The following ACACA variants were observed in gnomAD, a reference collection of about 807,000 sequenced individuals.
ACACA encodes acetyl-CoA carboxylase alpha.
A neutral mutation model predicts 296.1 loss-of-function variants in ACACA; 103 were observed. The ratio of observed to expected loss-of-function variants is 0.35; its 90% CI spans 0.30 to 0.41. The LOEUF (loss-of-function observed/expected upper bound fraction) is 0.41, where lower values mean the gene tolerates loss of function less well. ACACA is among the 10% of genes least tolerant of loss of function. The pLI, the probability that ACACA is intolerant of heterozygous loss-of-function variation, is 1.00. For synonymous variants in ACACA, 953 were observed against 1,038.6 expected (o/e 0.92, Z 1.58); for missense variants, 1,554 against 2,989.7 (o/e 0.52, Z 11.20).
chr17:37,221,226 A>C (rs922354445), intron 29 of ACACA, among the ~76,000 whole-genome samples: 1 of 152,198 alleles, frequency 6.6e-6, no homozygotes, highest in Non-Finnish European at 1.5e-5. Context: ...TTGGTTCTGC[A>C]ATGTAATTTT....
rs777382016 is a variant in ACACA at position 37,200,136 on chromosome 17, T to C, written c.4158+3A>G. The C allele has an allele frequency of 1.4e-5, 23 of 1,589,570 alleles. 1 individual carries two copies. The African/African-American group carries it at 2.2e-4, about 15-fold the overall frequency. ...ATCTTTCATTATTGTTCATTTTACT[T>C]ACATGAAATCTCCGATCCACCTCAT... On this transcript the variant is annotated splice_donor_region_variant and intron_variant, in intron 35 of 55. Coordinates refer to ENST00000616317, the MANE Select transcript of ACACA (RefSeq NM_198834.3).
chr17:37,331,022 T>A (rs539773601), intron 2 of ACACA, among the ~76,000 whole-genome samples: 3 of 152,276 alleles, frequency 2.0e-5, no homozygotes, highest in African/African-American at 7.2e-5. Flanking sequence ...GTGATCCTCC[T>A]ACCTCAGCCT....
chr17:37,240,322 G>GT (rs2080330131), intron 24 of ACACA, among the ~76,000 whole-genome samples, 154 bp downstream of exon 24: 1 of 152,226 alleles, frequency 6.6e-6, no homozygotes, highest in Non-Finnish European at 1.5e-5. Context: ...TAGAGGTTTA[G>GT]TTTTTAAGGG....
At chr17:37,125,828 G>A in intron 47 of ACACA, 34 bp from the exon 48 acceptor site, 1 of 1,550,102 alleles carries the variant, frequency 6.5e-7, no homozygotes, top group South Asian at 1.1e-5. Flanking sequence ...CAGAGAATAA[G>A]GACAGTGAAT....
At chr17:37,404,799 A>G (rs1490939799) in intron 1 of ACACA, among the ~76,000 whole-genome samples, 1 of 151,838 alleles carries the variant, frequency 6.6e-6, no homozygotes, top group Non-Finnish European at 1.5e-5. Context: ...GCTGGTCTCG[A>G]ACTTCTAACC....
intron 42 of ACACA, among the ~76,000 whole-genome samples, chr17:37,157,763 T>C (rs1487186018): frequency 2.0e-5 from 3 of 152,056 alleles, no homozygotes; most frequent in Non-Finnish European, 4.4e-5. Flanking sequence ...CTCGAACTCC[T>C]GACCTCAAGT....
At chr17:37,355,100 A>G (rs1489003878) in intron 1 of ACACA, among the ~76,000 whole-genome samples, 1 of 151,882 alleles carries the variant, frequency 6.6e-6, no homozygotes, top group Non-Finnish European at 1.5e-5. Flanking sequence ...AAAATTAGCC[A>G]GGCATGGTGG....
chr17:37,395,669 A>G (rs1483518839), intron 1 of ACACA, among the ~76,000 whole-genome samples: 1 of 151,966 alleles, frequency 6.6e-6, no homozygotes, highest in Non-Finnish European at 1.5e-5. Flanking sequence ...CAGCCTCCCA[A>G]GTAGCTGGGA....
Position 37,167,335 on chromosome 17 carries a change from G to C in ACACA, c.5080-5285C>G, listed in dbSNP as rs142322816. 4.0e-4 allele frequency among the ~76,000 whole-genome samples: 59 copies of C among 146,226 alleles called. 1 individual carries two copies. The East Asian group carries it at 0.011, about 28-fold the overall frequency. ...TGCCCAGGCTGGAGTACAGTGGCGT[G>C]ATCTTGGCTTGCTGCAACCTGTGCC... On this transcript the variant is annotated intron_variant, in intron 41 of 55. Transcript: ENST00000616317.
rs530595683 is a variant in ACACA, at chr17:37,113,779, G to A, written c.6275-514C>T. 1.2e-4 allele frequency among the ~76,000 whole-genome samples: 19 copies of A among 152,166 alleles called. No homozygotes were observed. The highest frequency in any genetic ancestry group is 2.5e-4 in the Non-Finnish European group (17 of 67,994). ...AAACTATTTTTCATCTTGGTATCCC[G>A]ATATCCCTGCCCAGTGCCTGAACAT... On this transcript the variant is annotated intron_variant, in intron 50 of 55. Coordinates refer to ENST00000616317, the MANE Select transcript of ACACA (RefSeq NM_198834.3). The surrounding 1 kb of genome is among the most constrained non-coding windows in gnomAD (Gnocchi z 4.0).
chr17:37,385,338 T>C (rs888657221), intron 1 of ACACA, among the ~76,000 whole-genome samples: 5 of 152,122 alleles, frequency 3.3e-5, no homozygotes, highest in African/African-American at 1.2e-4. Context: ...CCGGGTGCGA[T>C]GGCATGCACC....
intron 47 of ACACA, 144 bp downstream of exon 47, chr17:37,129,221 G>A (rs1037333331): frequency 2.7e-6 from 3 of 1,093,676 alleles, no homozygotes; most frequent in South Asian, 1.4e-5. Flanking sequence ...TCTTCAGAGG[G>A]CTGGTTTTCA....
At chr17:37,287,756 C>T (rs972971263) in intron 3 of ACACA, among the ~76,000 whole-genome samples, 2 of 123,396 alleles carry the variant, frequency 1.6e-5, no homozygotes, top group Non-Finnish European at 1.8e-5. Context: ...AACAAAAAGA[C>T]AAAAAAAAAA....
intron 35 of ACACA, among the ~76,000 whole-genome samples, chr17:37,193,707 T>C (rs1446594582): frequency 2.0e-5 from 3 of 152,170 alleles, no homozygotes; most frequent in African/African-American, 7.2e-5. Context: ...AAAAATTTTT[T>C]TGCTAGGTAT....
rs1453052294 is a variant in ACACA at position 37,270,766 on chromosome 17, A to G, written c.1104T>C (p.Pro368=). The change falls in exon 10 of 56, where the codon CCT becomes CCC. Residue 368 remains proline (P), a synonymous_variant. Transcript: ENST00000616317. The part of the protein sequence containing the change: ...IRKVNNADDF[P]NLFRQVQAEV... ...TATACTCTACCTGTCTGAAGAGATT[A>G]GGGAAGTCATCTGCATTGTTGACTT... 1.2e-6 allele frequency: 2 copies of G among 1,613,380 alleles called. No homozygotes were observed. The highest frequency in any genetic ancestry group is 1.1e-5 in the South Asian group (1 of 91,064).
At chr17:37,288,403 C>CA (rs1183427261) in intron 3 of ACACA, among the ~76,000 whole-genome samples, 2 of 152,132 alleles carry the variant, frequency 1.3e-5, no homozygotes, top group East Asian at 1.9e-4. Flanking sequence ...AAACCAGACA[C>CA]AAAAAAGTAT....
chr17:37,166,528 C>T (rs142897067), intron 41 of ACACA, among the ~76,000 whole-genome samples: 1 of 152,242 alleles, frequency 6.6e-6, no homozygotes, highest in African/African-American at 2.4e-5. Flanking sequence ...AATAAGAGTC[C>T]TGAATATTCT....
intron 41 of ACACA, among the ~76,000 whole-genome samples, chr17:37,174,014 A>ATTTTTTTT (rs1184132097): frequency 1.4e-4 from 2 of 14,006 alleles, no homozygotes; most frequent in African/African-American, 6.2e-4. Context: ...ATATATATAT[A>ATTTTTTTT]TATATATTTT....
At chr17:37,358,013 T>C (rs2049221184) in intron 1 of ACACA, among the ~76,000 whole-genome samples, 1 of 152,136 alleles carries the variant, frequency 6.6e-6, no homozygotes, top group African/African-American at 2.4e-5. Context: ...ATTAGGTTTA[T>C]CCACACATTA....
Sources: allele counts gnomAD v4.1 joint callset (sites outside exome capture counted in the v4.1 genomes callset), GRCh38; gene constraint gnomAD v4.1.1; non-coding constraint Gnocchi (gnomAD v3.1); transcripts MANE v1.5; gene names NCBI Gene and HGNC (gene_info 2026-07-23, HGNC 2026-07-21).